THSD7A: variants seen among roughly 807,000 people sequenced by gnomAD.
The protein encoded by THSD7A is thrombospondin type-1 domain-containing protein 7A.
THSD7A carries 96 observed loss-of-function variants against 231.3 expected under a neutral mutation model. The observed-to-expected ratio is 0.41, with a 90% confidence interval of 0.35 to 0.49. The LOEUF is 0.49. THSD7A is among the 20% of genes least tolerant of loss of function. The pLI is 0.05. For synonymous variants in THSD7A, 940 were observed against 743.3 expected (o/e 1.26, Z -4.30); for missense variants, 2,290 against 2,070.2 (o/e 1.11, Z -2.06).
chr7:11,676,829 AG>A (rs1289204551), intron 1 of THSD7A, among the ~76,000 whole-genome samples: 1 of 152,184 alleles, frequency 6.6e-6, no homozygotes, highest in Non-Finnish European at 1.5e-5. Context: ...AATGGAACCA[AG>A]TTGGAAAACA....
chr7:11,629,975 A>G (rs1000519102), intron 2 of THSD7A, among the ~76,000 whole-genome samples: 6 of 152,196 alleles, frequency 3.9e-5, no homozygotes, highest in Non-Finnish European at 7.3e-5. Context: ...TGGGTCCCAG[A>G]AAGTGTAAAT....
At chr7:11,653,040 T>G (rs73292679) in intron 1 of THSD7A, among the ~76,000 whole-genome samples, 15,562 of 151,982 alleles carry the variant, frequency 0.1, 1,001 homozygotes, top group Non-Finnish European at 0.15. Flanking sequence ...GCAAGAGATT[T>G]ATATGGCATT....
At chr7:11,531,023 A>T (rs1192098174) in intron 6 of THSD7A, among the ~76,000 whole-genome samples, 1 of 152,132 alleles carries the variant, frequency 6.6e-6, no homozygotes, top group Non-Finnish European at 1.5e-5. Flanking sequence ...AAACAAACAA[A>T]CAAGATTTCA....
chr7:11,486,442 G>A (rs1037791703), intron 6 of THSD7A, among the ~76,000 whole-genome samples: 2 of 152,134 alleles, frequency 1.3e-5, no homozygotes, highest in African/African-American at 4.8e-5. Flanking sequence ...CAGCCCCACA[G>A]TTAGGACATA....
chr7:11,824,526 T>C (rs1310697490), intron 1 of THSD7A, among the ~76,000 whole-genome samples: 3 of 152,120 alleles, frequency 2.0e-5, no homozygotes, highest in Admixed American at 6.5e-5. Flanking sequence ...TCAGCTATGA[T>C]TGAGGGCTGC....
intron 2 of THSD7A, among the ~76,000 whole-genome samples, chr7:11,611,840 G>GTCTATCTATCTATCTATCTA (rs570012898): frequency 1.4e-5 from 2 of 139,428 alleles, no homozygotes; most frequent in East Asian, 2.2e-4. Flanking sequence ...ACTATCATCT[G>GTCTATCTATCTATCTATCTA]TCTATCTATC....
rs1448464730 is a variant in THSD7A, at chr7:11,637,649, C to G, written c.191-688G>C. Reference sequence around the variant, plus strand: ...AGGGAATTTAAATGTAACTAAAAGACTTTTGCAATTTTCTAATCATTGAGA... The same window carrying G: ...AGGGAATTTAAATGTAACTAAAAGAGTTTTGCAATTTTCTAATCATTGAGA... On this transcript the variant is annotated intron_variant, in intron 1 of 27. Coordinates refer to ENST00000423059, the MANE Select transcript of THSD7A (RefSeq NM_015204.3). The surrounding 1 kb of genome is among the most constrained non-coding windows in gnomAD (Gnocchi z 4.2). Among the ~76,000 whole-genome samples, 1 of 152,110 alleles carries G rather than the reference C, an allele frequency of 6.6e-6. No individual in the cohort carries two copies. Among genetic ancestry groups the G allele is most frequent in the African/African-American group, 2.4e-5 (1 of 41,426 alleles).
chr7:11,789,834 A>G (rs933038118), intron 1 of THSD7A, among the ~76,000 whole-genome samples: 2 of 152,058 alleles, frequency 1.3e-5, no homozygotes, highest in East Asian at 3.9e-4. Context: ...CACTGGATGC[A>G]TAATAACTCC....
chr7:11,818,504 C>CTGACT (rs1473758437), intron 1 of THSD7A, among the ~76,000 whole-genome samples: 2 of 152,212 alleles, frequency 1.3e-5, no homozygotes, highest in African/African-American at 2.4e-5. Flanking sequence ...AAGTAGCAGG[C>CTGACT]TGACTTAACA....
chr7:11,739,322 T>C (rs1339956773), intron 1 of THSD7A, among the ~76,000 whole-genome samples: 1 of 151,992 alleles, frequency 6.6e-6, no homozygotes, highest in African/African-American at 2.4e-5. Flanking sequence ...CAGTGTTAAC[T>C]TGAAGGTCCT....
intron 1 of THSD7A, among the ~76,000 whole-genome samples, chr7:11,756,215 T>C (rs1408207392): frequency 6.6e-6 from 1 of 152,088 alleles, no homozygotes; most frequent in Admixed American, 6.6e-5. Flanking sequence ...TCTTAATTAC[T>C]CATAAATCTA....
chr7:11,567,745 G>T (rs1790424517), intron 4 of THSD7A, among the ~76,000 whole-genome samples: 1 of 152,062 alleles, frequency 6.6e-6, no homozygotes, highest in East Asian at 1.9e-4. Context: ...GCTGTATATG[G>T]ACCCTGTTAC....
intron 1 of THSD7A, among the ~76,000 whole-genome samples, chr7:11,801,117 C>A (rs913528799): frequency 4.1e-4 from 63 of 151,942 alleles, no homozygotes; most frequent in Middle Eastern, 3.4e-3. Flanking sequence ...GCCTCGGCAA[C>A]AAGGAGACCC....
intron 1 of THSD7A, among the ~76,000 whole-genome samples, chr7:11,770,341 G>T (rs887046939): frequency 1.3e-5 from 2 of 152,044 alleles, no homozygotes; most frequent in Admixed American, 1.3e-4. Flanking sequence ...TATTTTAATT[G>T]CAATTGCCAT....
intron 6 of THSD7A, among the ~76,000 whole-genome samples, chr7:11,517,232 C>T (rs1788067348): frequency 6.6e-6 from 1 of 152,056 alleles, no homozygotes; most frequent in Non-Finnish European, 1.5e-5. Flanking sequence ...GTGCCCACCA[C>T]CATGCCCAGC....
chr7:11,769,040 C>G (rs1783120805), intron 1 of THSD7A, among the ~76,000 whole-genome samples: 1 of 145,550 alleles, frequency 6.9e-6, no homozygotes, highest in Non-Finnish European at 1.5e-5. Context: ...TCACTGCAAC[C>G]TCTGCCTCCT....
intron 1 of THSD7A, among the ~76,000 whole-genome samples, chr7:11,648,311 C>G (rs775941457): frequency 5.3e-5 from 8 of 151,944 alleles, no homozygotes; most frequent in African/African-American, 1.2e-4. Flanking sequence ...CCTATTAAGC[C>G]TGAAGTTTTT....
At chr7:11,387,068 A>G (rs1782775811) in intron 23 of THSD7A, among the ~76,000 whole-genome samples, 1 of 152,026 alleles carries the variant, frequency 6.6e-6, no homozygotes, top group Admixed American at 6.6e-5. Flanking sequence ...CCATTGGTCT[A>G]TATATCTGTT....
At chr7:11,513,808 T>G (rs927282341) in intron 6 of THSD7A, among the ~76,000 whole-genome samples, 1 of 152,264 alleles carries the variant, frequency 6.6e-6, no homozygotes. Context: ...TCACCTTAAT[T>G]TAAAAAACAA....
Sources: gnomAD v4.1 joint callset for allele counts (sites outside exome capture counted in the v4.1 genomes callset) on GRCh38, gnomAD v4.1.1 for gene constraint, Gnocchi (gnomAD v3.1) non-coding constraint, MANE v1.5 for transcripts, NCBI Gene and HGNC (gene_info 2026-07-23, HGNC 2026-07-21) for gene names.